The following SLC5A11 variants were observed in gnomAD, a reference collection of about 807,000 sequenced individuals.
SLC5A11 encodes the protein solute carrier family 5 member 11.
In SLC5A11, 48 loss-of-function variants were observed where a neutral mutation model predicts 69.8. That is an observed-to-expected ratio of 0.69 (90% CI 0.55 to 0.87). The LOEUF (loss-of-function observed/expected upper bound fraction) is 0.87, where lower values mean the gene tolerates loss of function less well. Ranked by LOEUF, SLC5A11 falls within the 40% of genes least tolerant of loss-of-function variation. The pLI, the probability that SLC5A11 is intolerant of heterozygous loss-of-function variation, is 0.00. For synonymous variants in SLC5A11, 319 were observed against 342.4 expected, an observed-to-expected ratio of 0.93 and a Z score of 0.75; for missense variants, 784 against 866.1, an observed-to-expected ratio of 0.91 and a Z score of 1.19.
intron 12 of SLC5A11, among the ~76,000 whole-genome samples, chr16:24,907,386 T>G (rs2050148632): frequency 6.6e-6 from 1 of 152,166 alleles, no homozygotes; most frequent in African/African-American, 2.4e-5. Context: ...GTTCTTGCCT[T>G]CATGGAGCCA....
At chr16:24,857,962 C>T (rs1159988192) in intron 1 of SLC5A11, among the ~76,000 whole-genome samples, 1 of 152,152 alleles carries the variant, frequency 6.6e-6, no homozygotes, top group Non-Finnish European at 1.5e-5. Context: ...TGGCTCAAAG[C>T]ATGGATTCTG....
chr16:24,862,577 C>A, intron 2 of SLC5A11, 24 bp from the exon 4 acceptor site: 21 of 1,599,016 alleles, frequency 1.3e-5, no homozygotes, highest in Non-Finnish European at 1.8e-5. Context: ...CTTCCCTCAC[C>A]CACCTCTCTT....
chr16:24,890,633 A>G (rs2048731635), intron 8 of SLC5A11, among the ~76,000 whole-genome samples: 1 of 152,086 alleles, frequency 6.6e-6, no homozygotes, highest in South Asian at 2.1e-4. Context: ...TCAAACACCA[A>G]ATTTTACATT....
intron 10 of SLC5A11, among the ~76,000 whole-genome samples, 156 bp downstream of exon 11, chr16:24,898,265 G>A (rs557797714): frequency 6.6e-6 from 1 of 152,360 alleles, no homozygotes; most frequent in African/African-American, 2.4e-5. Flanking sequence ...AGGTTGGAGT[G>A]CAGTGGTATG....
intron 9 of SLC5A11, among the ~76,000 whole-genome samples, chr16:24,892,966 T>C (rs1385848822): frequency 2.0e-5 from 3 of 152,044 alleles, no homozygotes; most frequent in African/African-American, 4.8e-5. Flanking sequence ...GCTAACATCA[T>C]GGGCTTTAAA....
chr16:24,849,593 A>AAAAAATATATATATATAT, intron 1 of SLC5A11, among the ~76,000 whole-genome samples: 2 of 35,924 alleles, frequency 5.6e-5, no homozygotes, highest in African/African-American at 1.8e-4. Context: ...AAAAAAAAAA[A>AAAAAATATATATATATAT]ATATATATAT....
In SLC5A11 at chr16:24,849,591, A is replaced by AC. The variant is rs60683631; in HGVS notation, c.-25+3153_-25+3154insC. Among the ~76,000 whole-genome samples, 59 of 57,518 alleles carry AC rather than the reference A, an allele frequency of 1.0e-3. 3 individuals carry two copies. The highest frequency in any genetic ancestry group is 3.5e-3 in the African/African-American group (58 of 16,458). 37.7% of individuals were successfully genotyped at this position (57,518 alleles called of 152,430 possible). On this transcript the variant is annotated intron_variant, in intron 1 of 15. Coordinates refer to ENST00000347898, the Ensembl canonical transcript of SLC5A11. The stretch of plus-strand genomic sequence containing the variant: ...TGGGGGCAAAAAAAAAAAAAAAAAA[A>AC]AAATATATATATATATATATATATA...
chr16:24,871,326 A>G (rs2047286023), intron 4 of SLC5A11, among the ~76,000 whole-genome samples: 1 of 152,092 alleles, frequency 6.6e-6, no homozygotes. Flanking sequence ...GCTGGAGTGC[A>G]GTGGTGTGGT....
chr16:24,855,620 G>C (rs550632859), intron 1 of SLC5A11, among the ~76,000 whole-genome samples: 18 of 151,886 alleles, frequency 1.2e-4, no homozygotes, highest in African/African-American at 4.3e-4. Context: ...AAGAGAAAAA[G>C]TGATTGTGCC....
In SLC5A11 at chr16:24,891,167, C is replaced by T; in HGVS notation, c.870+93C>T. Reference sequence around the variant, plus strand: ...GTGCTTTTTTCTTCCTCCATCTCTTCTCTCATTTGCGTTTTCCCTGCTTCC... The same window carrying T: ...GTGCTTTTTTCTTCCTCCATCTCTTTTCTCATTTGCGTTTTCCCTGCTTCC... On this transcript the variant is annotated intron_variant, in intron 9 of 15. Coordinates refer to ENST00000347898, the Ensembl canonical transcript of SLC5A11. 4.0e-6 allele frequency: 5 copies of T among 1,258,598 alleles called. No homozygotes were observed. The South Asian group carries it at 5.4e-5, about 14-fold the overall frequency. The allele number at this position is 1,258,598 out of a possible 1,614,324, so 78.0% of individuals were successfully genotyped here.
At chr16:24,879,863 A>G (rs1329240759) in intron 7 of SLC5A11, among the ~76,000 whole-genome samples, 3 of 152,136 alleles carry the variant, frequency 2.0e-5, no homozygotes, top group Non-Finnish European at 4.4e-5. Context: ...GTCCTTTTTA[A>G]TGGCTGTGTA....
chr16:24,884,194 C>T (rs1346845623), intron 8 of SLC5A11, 63 bp downstream of exon 9: 88 of 1,499,986 alleles, frequency 5.9e-5, no homozygotes, highest in East Asian at 3.6e-4. Flanking sequence ...GGGATATCTG[C>T]TCTCCACACT....
At chr16:24,849,593 A>AAATATATATATAT in intron 1 of SLC5A11, among the ~76,000 whole-genome samples, 8 of 35,910 alleles carry the variant, frequency 2.2e-4, no homozygotes, top group Non-Finnish European at 4.5e-4. Flanking sequence ...AAAAAAAAAA[A>AAATATATATATAT]ATATATATAT....
chr16:24,875,563 T>C lies in SLC5A11; in HGVS notation c.373-64T>C. On this transcript the variant is annotated intron_variant, in intron 5 of 15. Coordinates refer to ENST00000347898, the Ensembl canonical transcript of SLC5A11. ...GGCAGGAGCAGATGGGAAGGGCTTG[T>C]GTGGGGGGGTCACGTGCTGGTGGTG... 5 of 1,303,214 alleles carry C rather than the reference T, an allele frequency of 3.8e-6. No homozygotes were observed. In the South Asian group the frequency reaches 6.3e-5, roughly 16 times the overall value. The allele number at this position is 1,303,214 out of a possible 1,614,324, so 80.7% of individuals were successfully genotyped here. A position where few individuals can be genotyped will look rare whatever the true frequency, so the allele number is the denominator to read the frequency against.
intron 10 of SLC5A11, among the ~76,000 whole-genome samples, chr16:24,905,625 AAC>A (rs1318900538): frequency 2.0e-4 from 24 of 122,926 alleles, no homozygotes; most frequent in Middle Eastern, 8.5e-3. Context: ...CCATCTCAAA[AAC>A]ACGCGCGCGC....
rs147495923 is a variant in SLC5A11 at position 24,906,679 on chromosome 16, A to G, written c.1029A>G (p.Pro343=). ...TAGATCAAGTGGCCTGTGCAGATCC[A>G]GAGATCTGCCAGAAGATCTGCAGCA... Residue 343 remains proline (P), a synonymous_variant, in exon 11 of 16, where the codon CCA becomes CCG. Transcript: ENST00000347898. The G allele has an allele frequency of 8.3e-4, 1,345 of 1,612,262 alleles. 23 individuals carry two copies. In the East Asian group the frequency reaches 0.021, roughly 25 times the overall value.
chr16:24,910,440 C>G (rs376857207), exon 15 of SLC5A11: 2 of 1,613,882 alleles, frequency 1.2e-6, no homozygotes, highest in African/African-American at 2.7e-5. Flanking sequence ...GCGTCCAGTT[C>G]GAGATGGTTC....
intron 7 of SLC5A11, among the ~76,000 whole-genome samples, chr16:24,883,599 AC>A (rs1425566960): frequency 6.6e-6 from 1 of 152,214 alleles, no homozygotes; most frequent in African/African-American, 2.4e-5. Flanking sequence ...AGGTGGAGCA[AC>A]TGGCTGGAAG....
At chr16:24,877,330 C>T in exon 7 of SLC5A11, 2 of 1,614,038 alleles carry the variant, frequency 1.2e-6, no homozygotes, top group Non-Finnish European at 1.7e-6. Flanking sequence ...CATAGTTGGG[C>T]TACTGGCCAT....
Sources: allele counts gnomAD v4.1 joint callset (sites outside exome capture counted in the v4.1 genomes callset), GRCh38; gene constraint gnomAD v4.1.1; transcripts MANE v1.5; gene names NCBI Gene and HGNC (gene_info 2026-07-23, HGNC 2026-07-21).